Variants in DCLK3 observed in about 807,000 individuals in gnomAD.
DCLK3 encodes doublecortin like kinase 3.
DCLK3 carries 30 observed loss-of-function variants against 46.4 expected under a neutral mutation model. That is an observed-to-expected ratio of 0.65 (90% confidence interval 0.48 to 0.88). The LOEUF is 0.88. DCLK3 is among the 40% of genes least tolerant of loss of function. The probability of loss-of-function intolerance (pLI) is 0.00; values close to 1 mark genes in which losing one functional copy is unlikely to be tolerated. For synonymous variants in DCLK3, 401 were observed against 339.2 expected, an observed-to-expected ratio of 1.18 and a Z score of -2.00; for missense variants, 846 against 907.1, an observed-to-expected ratio of 0.93 and a Z score of 0.87.
chr3:36,734,821 T>C (rs745537516), intron 2 of DCLK3, among the ~76,000 whole-genome samples: 15 of 152,210 alleles, frequency 9.9e-5, no homozygotes, highest in Non-Finnish European at 2.2e-4. Flanking sequence ...CAGAGGCAAG[T>C]AGCTTGTCCA....
In DCLK3 at chr3:36,737,276, A is replaced by G; in HGVS notation, c.1891T>C (p.Cys631Arg). 1.2e-6 allele frequency: 2 copies of G among 1,614,192 alleles called. No individual in the cohort carries two copies. The highest frequency in any genetic ancestry group is 1.7e-6 in the Non-Finnish European group (2 of 1,180,034). ...TCGTGCATGTGGACGAGGGCTTTGC[A>G]TAAGTCCATGATCATGAGGGCAGCA... The part of the protein sequence containing the change: ...PDAALMIMDL[C>R]KALVHMHDKS... The change falls in exon 2 of 5, where the codon TGC becomes CGC. Residue 631 changes from cysteine (C) to arginine (R), a missense_variant. Coordinates refer to ENST00000636136, the MANE Select transcript of DCLK3 (RefSeq NM_001394672.2). This position sits in a 1 kb window ranked among gnomAD's most constrained non-coding sequence, Gnocchi z 4.4.
chr3:36,725,812 T>C (rs1451500482), intron 2 of DCLK3, among the ~76,000 whole-genome samples: 1 of 152,192 alleles, frequency 6.6e-6, no homozygotes, highest in Non-Finnish European at 1.5e-5. Context: ...AAAGGCACAC[T>C]CACCTTCACT....
chr3:36,716,113 C>A (rs1700976916), intron 4 of DCLK3, among the ~76,000 whole-genome samples: 1 of 152,148 alleles, frequency 6.6e-6, no homozygotes. Context: ...ATTTTATTTT[C>A]TGCCCAAGAC....
At chr3:36,740,847 T>C (rs1469189141) in intron 1 of DCLK3, among the ~76,000 whole-genome samples, 1 of 152,232 alleles carries the variant, frequency 6.6e-6, no homozygotes, top group Non-Finnish European at 1.5e-5. Context: ...TTTATACGTG[T>C]ATTTGAATCA....
chr3:36,746,650 G>T (rs1014716243), intron 1 of DCLK3, among the ~76,000 whole-genome samples: 22 of 152,214 alleles, frequency 1.4e-4, no homozygotes, highest in African/African-American at 5.3e-4. Flanking sequence ...AGGACATTGG[G>T]TTATACCCTA....
chr3:36,729,163 A>G (rs755362666), intron 2 of DCLK3, among the ~76,000 whole-genome samples: 1 of 151,218 alleles, frequency 6.6e-6, no homozygotes, highest in Non-Finnish European at 1.5e-5. Context: ...GGTCATCAAG[A>G]CAGCCAAAGA....
At chr3:36,750,063 T>C (rs2125536113) in intron 1 of DCLK3, among the ~76,000 whole-genome samples, 1 of 152,160 alleles carries the variant, frequency 6.6e-6, no homozygotes, top group Non-Finnish European at 1.5e-5. Context: ...TATTTTAACG[T>C]TTAATTCTTC....
chr3:36,748,600 A>G (rs577537762), intron 1 of DCLK3, among the ~76,000 whole-genome samples: 1 of 152,142 alleles, frequency 6.6e-6, no homozygotes, highest in East Asian at 1.9e-4. Context: ...CACAGATAAC[A>G]TCCTGCCCTG....
chr3:36,721,490 G>A (rs1466764298), intron 3 of DCLK3, 37 bp downstream of exon 3: 2 of 1,598,668 alleles, frequency 1.3e-6, no homozygotes. Flanking sequence ...TGTTAGTAAG[G>A]GAACTAGAGT....
intron 2 of DCLK3, among the ~76,000 whole-genome samples, chr3:36,722,819 C>CT: frequency 6.6e-6 from 1 of 152,228 alleles, no homozygotes; most frequent in East Asian, 1.9e-4. Context: ...CATTAAACTC[C>CT]TTTTTTTCCT....
chr3:36,731,368 C>G (rs1701195954), intron 2 of DCLK3, among the ~76,000 whole-genome samples: 1 of 152,040 alleles, frequency 6.6e-6, no homozygotes, highest in Admixed American at 6.5e-5. Flanking sequence ...GCTGTCATAT[C>G]TCCCAACTTA....
chr3:36,755,373 C>T (rs1267048541), intron 1 of DCLK3, among the ~76,000 whole-genome samples: 1 of 151,960 alleles, frequency 6.6e-6, no homozygotes, highest in East Asian at 1.9e-4. Context: ...AGAAAAAAAA[C>T]TATAGTTCCA....
intron 2 of DCLK3, among the ~76,000 whole-genome samples, chr3:36,731,476 CACACA>C (rs1701198251): frequency 6.6e-6 from 1 of 152,042 alleles, no homozygotes; most frequent in African/African-American, 2.4e-5. Context: ...CACACACACA[CACACA>C]CCCTTGAAAG....
chr3:36,745,499 A>C (rs1701386311), intron 1 of DCLK3, among the ~76,000 whole-genome samples: 1 of 152,282 alleles, frequency 6.6e-6, no homozygotes, highest in Non-Finnish European at 1.5e-5. Flanking sequence ...TACAACAAAA[A>C]GATGACTAAA....
chr3:36,723,171 T>C (rs1701082938), intron 2 of DCLK3, among the ~76,000 whole-genome samples: 1 of 152,188 alleles, frequency 6.6e-6, no homozygotes, highest in South Asian at 2.1e-4. Context: ...ACTGGTGGCA[T>C]TTTGCCCCTG....
intron 2 of DCLK3, among the ~76,000 whole-genome samples, chr3:36,724,611 C>CA (rs909892180): frequency 6.6e-6 from 1 of 152,084 alleles, no homozygotes; most frequent in African/African-American, 2.4e-5. Flanking sequence ...CTGACAGTTT[C>CA]AAAAATGGGA....
intron 2 of DCLK3, among the ~76,000 whole-genome samples, chr3:36,736,591 C>A (rs1575141299): frequency 6.6e-6 from 1 of 152,166 alleles, no homozygotes; most frequent in East Asian, 1.9e-4. Flanking sequence ...AAACTGCAGG[C>A]ATCCTTCCAA....
In DCLK3 at chr3:36,738,128, C is replaced by T. The variant is rs757894050; in HGVS notation, c.1039G>A (p.Val347Met). Residue 347 changes from valine (V) to methionine (M), a missense_variant, in exon 2 of 5, where the codon GTG (valine) becomes ATG (methionine). By Grantham distance (21) the Val-to-Met change is conservative. Coordinates refer to ENST00000636136, the MANE Select transcript of DCLK3 (RefSeq NM_001394672.2). ...GACCTCCTGCAGCTTCTGGTCCTCA[C>T]CAGCTTCTCCACATCATACATTGGG... Reference protein sequence around the residue: ...KGPMYDVEKLVRTRSCRRSPE... With the variant: ...KGPMYDVEKLMRTRSCRRSPE... 1.9e-6 allele frequency: 3 copies of T among 1,614,042 alleles called. No homozygotes were observed. Among genetic ancestry groups the T allele is most frequent in the Admixed American group, 1.7e-5 (1 of 59,992 alleles).
At position 36,764,317 on chromosome 3, in the gene DCLK3, G is replaced by A. The variant is rs1014760529; in HGVS notation, c.-54C>T. 8.0e-5 allele frequency: 17 copies of A among 212,726 alleles called. No individual in the cohort carries two copies. Among genetic ancestry groups the A allele is most frequent in the Middle Eastern group, 3.2e-3 (2 of 630 alleles). The allele number at this position is 212,726 out of a possible 1,614,324, so 13.2% of individuals were successfully genotyped here. ...GGAGCAGAGGTGGCAGCGCGGGGAC[G>A]CGGCTCGACGGTCGAGCAGGCGCGG... On this transcript the variant is annotated 5_prime_UTR_variant, in exon 1 of 5. Transcript: ENST00000636136. The surrounding 1 kb of genome is among the most constrained non-coding windows in gnomAD (Gnocchi z 4.9).
Sources: allele counts gnomAD v4.1 joint callset (sites outside exome capture counted in the v4.1 genomes callset), GRCh38; gene constraint gnomAD v4.1.1; non-coding constraint Gnocchi (gnomAD v3.1); transcripts MANE v1.5; gene names NCBI Gene and HGNC (gene_info 2026-07-23, HGNC 2026-07-21).